The following SLC25A26 variants were observed in gnomAD, a reference collection of about 807,000 sequenced individuals.
The protein encoded by SLC25A26 is mitochondrial S-adenosylmethionine carrier protein.
SLC25A26 carries 36 observed loss-of-function variants against 37.8 expected under a neutral mutation model. The ratio of observed to expected loss-of-function variants is 0.95; its 90% CI spans 0.73 to 1.26. SLC25A26 has a LOEUF of 1.26. Among genes scored for constraint, SLC25A26 ranks in the 50% most tolerant of loss-of-function variants. SLC25A26 has a pLI of 0.00. For synonymous variants in SLC25A26, 129 were observed against 122.5 expected (o/e 1.05, Z -0.35); for missense variants, 390 against 331.1 (o/e 1.18, Z -1.38).
chr3:66,228,071 G>A (rs897113976), intron 1 of SLC25A26, among the ~76,000 whole-genome samples: 12 of 152,188 alleles, frequency 7.9e-5, no homozygotes, highest in Middle Eastern at 3.4e-3. Context: ...TGGCATTTAC[G>A]TCAGAGTGAG....
chr3:66,193,943 C>T (rs2070994169), intron 1 of SLC25A26, among the ~76,000 whole-genome samples: 1 of 152,196 alleles, frequency 6.6e-6, no homozygotes, highest in Non-Finnish European at 1.5e-5. Flanking sequence ...AGATGATCAC[C>T]AGGATGGTCA....
chr3:66,311,655 A>C (rs2075381432), intron 5 of SLC25A26, among the ~76,000 whole-genome samples: 1 of 151,718 alleles, frequency 6.6e-6, no homozygotes, highest in African/African-American at 2.4e-5. Flanking sequence ...GACGCGGATG[A>C]CTTTTGGATA....
At chr3:66,355,948 T>G in intron 6 of SLC25A26, 1 of 445,880 alleles carries the variant, frequency 2.2e-6, no homozygotes. Context: ...GTTACTAATT[T>G]GGAATTGAGT....
chr3:66,307,455 C>T (rs1194278419), intron 5 of SLC25A26, among the ~76,000 whole-genome samples: 1 of 151,906 alleles, frequency 6.6e-6, no homozygotes, highest in Non-Finnish European at 1.5e-5. Context: ...CTGTAGGTTG[C>T]CTGTTCACTC....
At chr3:66,280,985 A>G (rs1465259783) in intron 5 of SLC25A26, among the ~76,000 whole-genome samples, 1 of 152,210 alleles carries the variant, frequency 6.6e-6, no homozygotes, top group Non-Finnish European at 1.5e-5. Context: ...TGTCCCAGTG[A>G]TAAAAGCCTT....
At chr3:66,228,424 A>G (rs1553661725) in intron 1 of SLC25A26, among the ~76,000 whole-genome samples, 1 of 152,238 alleles carries the variant, frequency 6.6e-6, no homozygotes, top group Non-Finnish European at 1.5e-5. Context: ...TGCTCTAAAT[A>G]TTAAATCTTT....
intron 8 of SLC25A26, 63 bp from the exon 9 acceptor site, chr3:66,370,466 A>G: frequency 7.6e-7 from 1 of 1,307,498 alleles, no homozygotes; most frequent in East Asian, 2.4e-5. Context: ...AGGATATCTG[A>G]GAGGCAAGTG....
intron 6 of SLC25A26, among the ~76,000 whole-genome samples, chr3:66,359,425 A>C (rs2076648055): frequency 6.6e-6 from 1 of 152,188 alleles, no homozygotes; most frequent in Non-Finnish European, 1.5e-5. Context: ...TATCACATTC[A>C]CATCTTACTG....
intron 1 of SLC25A26, among the ~76,000 whole-genome samples, chr3:66,146,976 C>G (rs2070123819): frequency 6.6e-6 from 1 of 151,842 alleles, no homozygotes; most frequent in African/African-American, 2.4e-5. Flanking sequence ...GCTTCCAGCT[C>G]CATCCAAGTT....
At chr3:66,318,706 A>G (rs1003867784) in intron 5 of SLC25A26, among the ~76,000 whole-genome samples, 3 of 151,944 alleles carry the variant, frequency 2.0e-5, no homozygotes, top group Non-Finnish European at 4.4e-5. Context: ...TCTGTCACCC[A>G]AGCTGGAGTG....
upstream of SLC25A26, among the ~76,000 whole-genome samples, chr3:66,218,543 G>A (rs2106852401): frequency 6.6e-6 from 1 of 152,280 alleles, no homozygotes; most frequent in African/African-American, 2.4e-5. Flanking sequence ...TTCCAAGATG[G>A]CACCCAGTGA....
At chr3:66,174,001 C>G (rs150383243) in intron 1 of SLC25A26, among the ~76,000 whole-genome samples, 4 of 151,352 alleles carry the variant, frequency 2.6e-5, no homozygotes, top group Non-Finnish European at 4.4e-5. Context: ...TGCAGTGAGC[C>G]GAGATCGTGC....
At chr3:66,173,632 T>C (rs762553439) in intron 1 of SLC25A26, among the ~76,000 whole-genome samples, 22 of 152,238 alleles carry the variant, frequency 1.4e-4, no homozygotes, top group Non-Finnish European at 1.9e-4. Context: ...TTGATCCAAA[T>C]AAAGACCAAT....
intron 5 of SLC25A26, among the ~76,000 whole-genome samples, chr3:66,321,808 T>C (rs891160293): frequency 6.6e-6 from 1 of 151,954 alleles, no homozygotes; most frequent in African/African-American, 2.4e-5. Context: ...TTCAGAATTA[T>C]CAGGAGGAAC....
Position 66,293,676 on chromosome 3 carries a change from T to A in SLC25A26, c.453+30297T>A, listed in dbSNP as rs143486857. ...TCTTTCTGCATTAGTTTGCAAAGGA[T>A]AATGGCCTCTAGCATCATCCATATT... On this transcript the variant is annotated intron_variant, in intron 5 of 9. Coordinates refer to ENST00000354883, the MANE Select transcript of SLC25A26 (RefSeq NM_001379210.1). 5.0e-3 allele frequency among the ~76,000 whole-genome samples: 759 copies of A among 152,324 alleles called. 11 individuals are homozygous for A. The highest frequency in any genetic ancestry group is 0.013 in the African/African-American group (561 of 41,556).
intron 5 of SLC25A26, among the ~76,000 whole-genome samples, chr3:66,330,431 G>A (rs2075945714): frequency 6.6e-6 from 1 of 152,116 alleles, no homozygotes; most frequent in Non-Finnish European, 1.5e-5. Flanking sequence ...TTATATATAT[G>A]TGTGTGCGTG....
chr3:66,284,387 A>T (rs1313256608), intron 5 of SLC25A26, among the ~76,000 whole-genome samples: 1 of 152,192 alleles, frequency 6.6e-6, no homozygotes, highest in Non-Finnish European at 1.5e-5. Context: ...GCTATCAGAG[A>T]GGGAATAAAG....
intron 7 of SLC25A26, among the ~76,000 whole-genome samples, chr3:66,367,213 T>C (rs1325091830): frequency 6.6e-6 from 1 of 152,190 alleles, no homozygotes; most frequent in African/African-American, 2.4e-5. Context: ...GTTCCAAACA[T>C]GTTGCGTAGG....
intron 3 of SLC25A26, among the ~76,000 whole-genome samples, chr3:66,258,718 T>C (rs2073402243): frequency 6.6e-6 from 1 of 152,118 alleles, no homozygotes; most frequent in Non-Finnish European, 1.5e-5. Flanking sequence ...TAATTATTAA[T>C]TGGGCATGGT....
Sources: gnomAD v4.1 joint callset for allele counts (sites outside exome capture counted in the v4.1 genomes callset) on GRCh38, gnomAD v4.1.1 for gene constraint, MANE v1.5 for transcripts, NCBI Gene and HGNC (gene_info 2026-07-23, HGNC 2026-07-21) for gene names.